Variants in HHAT observed in about 807,000 individuals in gnomAD.
The protein encoded by HHAT is protein-cysteine N-palmitoyltransferase HHAT.
Under a neutral mutation model 70.8 loss-of-function variants are expected in HHAT, and 47 were observed. The ratio of observed to expected loss-of-function variants is 0.66; its 90% CI spans 0.53 to 0.85. The LOEUF is 0.85. Ranked by LOEUF, HHAT falls within the 40% of genes least tolerant of loss-of-function variation. HHAT has a pLI of 0.00. For missense variants in HHAT, 609 were observed against 604.8 expected (o/e 1.01, Z -0.07); for synonymous variants, 228 against 247.6 (o/e 0.92, Z 0.74).
At chr1:210,523,112 C>G (rs1244997357) in intron 9 of HHAT, among the ~76,000 whole-genome samples, 1 of 152,088 alleles carries the variant, frequency 6.6e-6, no homozygotes, top group South Asian at 2.1e-4. Context: ...ATCAGTCTCA[C>G]AGAAACCCAG....
At chr1:210,479,027 G>C (rs1309779990) in intron 8 of HHAT, among the ~76,000 whole-genome samples, 1 of 152,148 alleles carries the variant, frequency 6.6e-6, no homozygotes, top group Non-Finnish European at 1.5e-5. Flanking sequence ...TGAGTGGCTG[G>C]TGGAGGTGCC....
At chr1:210,417,643 G>T (rs770519854) in intron 6 of HHAT, among the ~76,000 whole-genome samples, 8 of 152,136 alleles carry the variant, frequency 5.3e-5, no homozygotes, top group Non-Finnish European at 8.8e-5. Context: ...AACAACTTAG[G>T]GTGAAATGAC....
At chr1:210,547,529 G>A (rs1471669967) in intron 9 of HHAT, among the ~76,000 whole-genome samples, 2 of 152,130 alleles carry the variant, frequency 1.3e-5, no homozygotes, top group Non-Finnish European at 2.9e-5. Context: ...GTTGTGATGA[G>A]GGCATATTTA....
At chr1:210,373,070 G>GAAT (rs2089718208) in intron 3 of HHAT, among the ~76,000 whole-genome samples, 2 of 152,156 alleles carry the variant, frequency 1.3e-5, no homozygotes, top group Admixed American at 6.5e-5. Context: ...TTTCTGATTA[G>GAAT]AATCCTTCAA....
In HHAT at chr1:210,414,302, G is replaced by A. The variant is rs551329274; in HGVS notation, c.685-3852G>A. ...CTCAAAGGCCCCACCTCCTAGTACC[G>A]TCTCTTTGGGGGTTAGGATTTCAAC... On this transcript the variant is annotated intron_variant, in intron 6 of 11. Transcript: ENST00000261458. 1.6e-3 allele frequency among the ~76,000 whole-genome samples: 247 copies of A among 152,260 alleles called. 2 individuals are homozygous for A. Among genetic ancestry groups the A allele is most frequent in the African/African-American group, 5.6e-3 (234 of 41,540 alleles).
At chr1:210,581,274 G>T (rs756737493) in intron 9 of HHAT, among the ~76,000 whole-genome samples, 16 of 152,202 alleles carry the variant, frequency 1.1e-4, no homozygotes, top group Non-Finnish European at 2.1e-4. Flanking sequence ...AAGTAGATAT[G>T]TAGCTTCCTT....
At chr1:210,353,622 T>C (rs575697517) in intron 2 of HHAT, among the ~76,000 whole-genome samples, 1 of 152,242 alleles carries the variant, frequency 6.6e-6, no homozygotes, top group South Asian at 2.1e-4. Flanking sequence ...ATTGTGGTTC[T>C]TAACTCTTAC....
chr1:210,621,998 T>G (rs1479061904), intron 10 of HHAT, among the ~76,000 whole-genome samples: 1 of 152,182 alleles, frequency 6.6e-6, no homozygotes, highest in African/African-American at 2.4e-5. Flanking sequence ...ACCCTGGGGC[T>G]GGCAGGAGAG....
chr1:210,402,433 G>A (rs2143440), intron 5 of HHAT, among the ~76,000 whole-genome samples: 64,916 of 151,892 alleles, frequency 0.43, 14,311 homozygotes, highest in South Asian at 0.48. Flanking sequence ...ACACATTTAC[G>A]TATGTTTATG....
At chr1:210,667,628 C>A (rs969326174) in intron 11 of HHAT, among the ~76,000 whole-genome samples, 4 of 152,082 alleles carry the variant, frequency 2.6e-5, no homozygotes, top group Non-Finnish European at 5.9e-5. Flanking sequence ...CCCTTGAAAT[C>A]AGTCTCACAA....
chr1:210,545,754 C>T (rs776364030), intron 9 of HHAT, among the ~76,000 whole-genome samples: 5 of 152,090 alleles, frequency 3.3e-5, no homozygotes, highest in Non-Finnish European at 5.9e-5. Flanking sequence ...TCACTTCTTC[C>T]GGAGACCTTC....
At chr1:210,533,200 GC>G (rs1310480301) in intron 9 of HHAT, among the ~76,000 whole-genome samples, 2 of 100,696 alleles carry the variant, frequency 2.0e-5, no homozygotes, top group African/African-American at 5.8e-5. Flanking sequence ...TTTGGATATG[GC>G]CAGGAGTGAT....
chr1:210,537,438 A>AC, intron 9 of HHAT, among the ~76,000 whole-genome samples: 1 of 151,926 alleles, frequency 6.6e-6, no homozygotes, highest in South Asian at 2.1e-4. Context: ...CTTCATAGAC[A>AC]CCCCCCTTTC....
At chr1:210,390,496 G>A (rs896949061) in intron 4 of HHAT, among the ~76,000 whole-genome samples, 6 of 151,998 alleles carry the variant, frequency 3.9e-5, no homozygotes, top group Non-Finnish European at 8.8e-5. Context: ...GTCTATTATT[G>A]TAGGGAGAGA....
chr1:210,344,008 A>G (rs573058758), intron 1 of HHAT, among the ~76,000 whole-genome samples: 36 of 152,174 alleles, frequency 2.4e-4, no homozygotes, highest in Non-Finnish European at 4.1e-4. Context: ...GGAGGCCGTT[A>G]TCTACCCGTT....
intron 10 of HHAT, among the ~76,000 whole-genome samples, chr1:210,617,522 T>C (rs1667986499): frequency 6.6e-6 from 1 of 152,194 alleles, no homozygotes; most frequent in African/African-American, 2.4e-5. Context: ...GAGGCGGTAC[T>C]ATTGCTCAAT....
intron 7 of HHAT, among the ~76,000 whole-genome samples, chr1:210,425,291 G>T (rs761347999): frequency 6.6e-6 from 1 of 152,134 alleles, no homozygotes; most frequent in African/African-American, 2.4e-5. Context: ...CTCCCATTTT[G>T]TAGGTTGTCT....
chr1:210,517,656 T>C (rs2095080486), intron 9 of HHAT, among the ~76,000 whole-genome samples: 1 of 152,170 alleles, frequency 6.6e-6, no homozygotes, highest in South Asian at 2.1e-4. Context: ...CTAATAATGA[T>C]GTTTTCTTGA....
At position 210,534,687 on chromosome 1, in the gene HHAT, C is replaced by CAA. The variant is rs578179718; in HGVS notation, c.1043+21500_1043+21501insAA. Among the ~76,000 whole-genome samples the CAA allele has an allele frequency of 4.5e-3, 680 of 152,238 alleles. 4 individuals carry two copies. The highest frequency in any genetic ancestry group is 0.016 in the African/African-American group (657 of 41,526). ...ATTTTAAATAATTTTGTGCACGAAACAGTGTTGACTGCATTTGGACAGTGG... is the reference window on the plus strand; with the variant it reads ...ATTTTAAATAATTTTGTGCACGAAACAAAGTGTTGACTGCATTTGGACAGTGG... On this transcript the variant is annotated intron_variant, in intron 9 of 11. Transcript: ENST00000261458.
Sources: gnomAD v4.1 joint callset for allele counts (sites outside exome capture counted in the v4.1 genomes callset) on GRCh38, gnomAD v4.1.1 for gene constraint, MANE v1.5 for transcripts, NCBI Gene and HGNC (gene_info 2026-07-23, HGNC 2026-07-21) for gene names.